The following GLIS3 variants were observed in gnomAD, a reference collection of about 807,000 sequenced individuals.
The protein encoded by GLIS3 is zinc finger protein GLIS3.
In GLIS3, 53 loss-of-function variants were observed where a neutral mutation model predicts 78.6. That is an observed-to-expected ratio of 0.67 (90% CI 0.54 to 0.85). GLIS3 has a LOEUF of 0.85. Ranked by LOEUF, GLIS3 falls within the 40% of genes least tolerant of loss-of-function variation. The pLI is 0.00. For missense variants in GLIS3, 1,703 were observed against 1,231.1 expected, an observed-to-expected ratio of 1.38 and a Z score of -5.74; for synonymous variants, 684 against 509.9, an observed-to-expected ratio of 1.34 and a Z score of -4.60.
intron 2 of GLIS3, among the ~76,000 whole-genome samples, chr9:4,191,144 GC>G (rs1818298403): frequency 6.7e-6 from 1 of 148,950 alleles, no homozygotes; most frequent in South Asian, 2.4e-4. Flanking sequence ...AAAATAACCA[GC>G]TAACATCATA....
At chr9:4,115,944 C>T (rs112304429) in intron 4 of GLIS3, among the ~76,000 whole-genome samples, 3,820 of 152,268 alleles carry the variant, frequency 0.025, 183 homozygotes, top group African/African-American at 0.088. Context: ...CTGAACAATA[C>T]AATGAGAAGC....
chr9:4,483,664 G>A, the GLIS3 span, among the ~76,000 whole-genome samples: 3 of 150,672 alleles, frequency 2.0e-5, no homozygotes, highest in African/African-American at 4.9e-5. Flanking sequence ...AGGATGCAGT[G>A]AGCCGATATC....
intron 4 of GLIS3, among the ~76,000 whole-genome samples, chr9:3,987,759 G>A (rs1588395167): frequency 1.7e-5 from 1 of 58,760 alleles, no homozygotes; most frequent in African/African-American, 7.1e-5. Flanking sequence ...CCCTGGATTT[G>A]GCAAAAAAAA....
chr9:4,133,845 C>CAA (rs1326094163), intron 2 of GLIS3, among the ~76,000 whole-genome samples: 6 of 60,264 alleles, frequency 1.0e-4, no homozygotes, highest in Admixed American at 7.8e-4. Flanking sequence ...CACACACACA[C>CAA]ACACACACAC....
intron 2 of GLIS3, among the ~76,000 whole-genome samples, chr9:4,207,123 T>C (rs1382378349): frequency 2.0e-5 from 3 of 152,164 alleles, no homozygotes; most frequent in Non-Finnish European, 2.9e-5. Context: ...CAATCCATAA[T>C]GGTATGTGGA....
At chr9:4,281,865 A>C (rs1382268192) in intron 2 of GLIS3, among the ~76,000 whole-genome samples, 2 of 152,200 alleles carry the variant, frequency 1.3e-5, no homozygotes, top group Admixed American at 1.3e-4. Flanking sequence ...AAAGGATATC[A>C]CATATCCCTG....
chr9:3,891,344 T>C (rs1198776151), intron 7 of GLIS3, among the ~76,000 whole-genome samples: 1 of 152,146 alleles, frequency 6.6e-6, no homozygotes, highest in African/African-American at 2.4e-5. Flanking sequence ...AAATGTTACA[T>C]TTGAGCATAG....
chr9:3,953,203 A>G (rs925856351), intron 4 of GLIS3, among the ~76,000 whole-genome samples: 8 of 152,094 alleles, frequency 5.3e-5, no homozygotes, highest in South Asian at 2.1e-4. Flanking sequence ...CAGGCAGGGG[A>G]AAAAAAATGA....
chr9:4,335,099 G>A (rs996846582), intron 2 of GLIS3, among the ~76,000 whole-genome samples: 4 of 151,864 alleles, frequency 2.6e-5, no homozygotes, highest in African/African-American at 9.7e-5. Context: ...TAGTGGAGAC[G>A]AGGTTTCACC....
chr9:3,912,686 C>A (rs774437666), intron 6 of GLIS3, among the ~76,000 whole-genome samples: 1 of 152,094 alleles, frequency 6.6e-6, no homozygotes, highest in Non-Finnish European at 1.5e-5. Flanking sequence ...GAAAATGATA[C>A]ACAAATGACA....
the GLIS3 span, among the ~76,000 whole-genome samples, chr9:4,408,429 T>TAAA: frequency 2.6e-4 from 35 of 134,238 alleles, no homozygotes; most frequent in African/African-American, 8.7e-4. Flanking sequence ...TAATGGATAT[T>TAAA]AAAAAAAAAA....
chr9:4,257,076 T>C (rs941218250), intron 2 of GLIS3, among the ~76,000 whole-genome samples: 1 of 152,230 alleles, frequency 6.6e-6, no homozygotes, highest in African/African-American at 2.4e-5. Flanking sequence ...TATGTATGTG[T>C]ACATATGTAT....
chr9:4,487,356 C>T, the GLIS3 span, among the ~76,000 whole-genome samples: 1 of 152,010 alleles, frequency 6.6e-6, no homozygotes, highest in Non-Finnish European at 1.5e-5. Flanking sequence ...GTGTTCTAAG[C>T]CTTTCACACA....
At chr9:3,949,376 G>T (rs1190632610) in intron 4 of GLIS3, among the ~76,000 whole-genome samples, 1 of 152,016 alleles carries the variant, frequency 6.6e-6, no homozygotes, top group East Asian at 1.9e-4. Context: ...AAACAAATGC[G>T]GTATGCATCT....
chr9:4,488,581 G>A, the GLIS3 span, among the ~76,000 whole-genome samples: 5 of 151,928 alleles, frequency 3.3e-5, no homozygotes, highest in African/African-American at 9.7e-5. Context: ...GTGCTGCAGC[G>A]TGATCTCGGC....
chr9:4,136,245 A>G (rs1362946500), intron 2 of GLIS3, among the ~76,000 whole-genome samples: 1 of 152,218 alleles, frequency 6.6e-6, no homozygotes, highest in East Asian at 1.9e-4. Context: ...TAGACTGTAC[A>G]GTATTAAGCA....
chr9:4,376,954 G>A, the GLIS3 span, among the ~76,000 whole-genome samples: 77 of 134,964 alleles, frequency 5.7e-4, 14 homozygotes, highest in Middle Eastern at 0.018. Context: ...AAGGATGCAG[G>A]CTCTGAGCCA....
intron 4 of GLIS3, among the ~76,000 whole-genome samples, chr9:4,036,490 G>A (rs918222158): frequency 2.6e-5 from 4 of 152,154 alleles, no homozygotes; most frequent in African/African-American, 9.7e-5. Flanking sequence ...AAGAAGTAGA[G>A]AACTCAGCCC....
chr9:4,425,241 C>G, the GLIS3 span, among the ~76,000 whole-genome samples: 1 of 152,300 alleles, frequency 6.6e-6, no homozygotes, highest in African/African-American at 2.4e-5. Context: ...CACTGCTGTC[C>G]TGAGTTTTCT....
Sources: allele counts gnomAD v4.1 joint callset (sites outside exome capture counted in the v4.1 genomes callset), GRCh38; gene constraint gnomAD v4.1.1; transcripts MANE v1.5; gene names NCBI Gene and HGNC (gene_info 2026-07-23, HGNC 2026-07-21).